The following SYDE2 variants were observed in gnomAD, a reference collection of about 807,000 sequenced individuals.
The protein encoded by SYDE2 is rho GTPase-activating protein SYDE2.
SYDE2 carries 76 observed loss-of-function variants against 91.5 expected under a neutral mutation model. That is an observed-to-expected ratio of 0.83 (90% CI 0.69 to 1.01). The LOEUF is 1.01. SYDE2 is among the 50% of genes least tolerant of loss of function. The pLI, the probability that SYDE2 is intolerant of heterozygous loss-of-function variation, is 0.00. For missense variants in SYDE2, 1,364 were observed against 1,367.7 expected (o/e 1.00, Z 0.04); for synonymous variants, 513 against 506.4 (o/e 1.01, Z -0.18).
intron 4 of SYDE2, among the ~76,000 whole-genome samples, chr1:85,177,336 T>C (rs1477320551): frequency 6.6e-6 from 1 of 152,196 alleles, no homozygotes; most frequent in Admixed American, 6.5e-5. Flanking sequence ...TTCTACTGCA[T>C]CCTCTTCTTA....
At chr1:85,178,307 T>G (rs1187341909) in intron 3 of SYDE2, 35 bp from the exon 4 acceptor site, 3 of 1,529,154 alleles carry the variant, frequency 2.0e-6, no homozygotes. Context: ...TACAGTAAAT[T>G]TGATAAAGGG....
chr1:85,156,235 A>T (rs764736649), downstream of SYDE2, among the ~76,000 whole-genome samples: 5 of 152,154 alleles, frequency 3.3e-5, no homozygotes, highest in Non-Finnish European at 5.9e-5. Flanking sequence ...TCTAAAATTA[A>T]AATTGTTTTT....
chr1:85,173,134 G>A (rs941440457), intron 4 of SYDE2, among the ~76,000 whole-genome samples: 1 of 152,132 alleles, frequency 6.6e-6, no homozygotes, highest in African/African-American at 2.4e-5. Context: ...AGTCTTTACA[G>A]AGGTAATCAA....
At chr1:85,168,555 G>T (rs559003727) in intron 5 of SYDE2, among the ~76,000 whole-genome samples, 1 of 152,218 alleles carries the variant, frequency 6.6e-6, no homozygotes, top group South Asian at 2.1e-4. Flanking sequence ...TTTTGGAGAG[G>T]GGGTGAATGG....
rs770960279 is a variant in SYDE2, at chr1:85,159,087, G to A, written c.3248C>T (p.Pro1083Leu). 2 of 780,824 alleles carry A rather than the reference G, an allele frequency of 2.6e-6. No individual in the cohort carries two copies. The highest frequency in any genetic ancestry group is 4.8e-6 in the Non-Finnish European group (2 of 417,968). The allele number at this position is 780,824 out of a possible 1,614,324, so 48.4% of individuals were successfully genotyped here. A position where few individuals can be genotyped will look rare whatever the true frequency, so the allele number is the denominator to read the frequency against. The change falls in exon 7 of 7, where the codon CCA becomes CTA. Residue 1083 changes from proline to leucine, a missense_variant. Coordinates refer to ENST00000341460, the MANE Select transcript of SYDE2 (RefSeq NM_032184.2). Reference sequence around the variant, plus strand: ...GTCTCCTGCATAACGATTGCTAAGTGGACTGTCTAATCGGTTTTGCCTTGG... The same window carrying A: ...GTCTCCTGCATAACGATTGCTAAGTAGACTGTCTAATCGGTTTTGCCTTGG... Reference protein sequence around the residue: ...LRPRQNRLDSPLSNRYAGDWS... With the variant: ...LRPRQNRLDSLLSNRYAGDWS...
In SYDE2 at chr1:85,200,785, C is replaced by G; in HGVS notation, c.212G>C (p.Gly71Ala). Reference protein sequence around the residue: ...PPRSPQREPRGGQLRTPRMRP... With the variant: ...PPRSPQREPRAGQLRTPRMRP... ...CATCCGAGGAGTCCGCAGCTGGCCT[C>G]CCCGCGGCTCCCTCTGAGGCGACCG... The change falls in exon 1 of 7, where the codon GGA becomes GCA. Residue 71 changes from glycine to alanine, a missense_variant. Transcript: ENST00000341460. The G allele has an allele frequency of 6.6e-7, 1 of 1,513,522 alleles. No homozygotes were observed. Among genetic ancestry groups the G allele is most frequent in the Non-Finnish European group, 8.8e-7 (1 of 1,136,968 alleles). The allele number at this position is 1,513,522 out of a possible 1,614,324, so 93.8% of individuals were successfully genotyped here.
chr1:85,164,210 C>T (rs995305243), intron 6 of SYDE2, among the ~76,000 whole-genome samples: 2 of 152,072 alleles, frequency 1.3e-5, no homozygotes, highest in Non-Finnish European at 2.9e-5. Context: ...ATCCATATGA[C>T]AAAAGATGAT....
chr1:85,194,846 A>G (rs904884115), intron 1 of SYDE2: 10 of 985,288 alleles, frequency 1.0e-5, no homozygotes, highest in African/African-American at 1.7e-5. Flanking sequence ...AAGAAATTAT[A>G]TATTTCAACC....
chr1:85,170,929 A>G (rs1486816266), intron 4 of SYDE2, among the ~76,000 whole-genome samples: 1 of 152,234 alleles, frequency 6.6e-6, no homozygotes, highest in African/African-American at 2.4e-5. Flanking sequence ...GTATGTCTGT[A>G]GGATAAATTC....
intron 3 of SYDE2, 68 bp downstream of exon 3, chr1:85,182,030 T>C (rs817444): frequency 1 from 1,411,071 of 1,415,690 alleles, 703,342 homozygotes; most frequent in East Asian, 1. Context: ...ACCTTGAATT[T>C]CTTCCCCCAA....
intron 4 of SYDE2, among the ~76,000 whole-genome samples, chr1:85,169,613 C>T (rs1278131132): frequency 3.9e-5 from 6 of 152,090 alleles, no homozygotes; most frequent in Non-Finnish European, 8.8e-5. Flanking sequence ...TCCAATTACA[C>T]AAATTTTGAG....
chr1:85,194,918 T>C (rs570703416), intron 1 of SYDE2: 1 of 713,800 alleles, frequency 1.4e-6, no homozygotes, highest in Admixed American at 6.3e-5. Flanking sequence ...CCCAGCACTT[T>C]GGGAGGCCAA....
chr1:85,160,811 T>C (rs930213494), intron 6 of SYDE2: 1 of 985,440 alleles, frequency 1.0e-6, no homozygotes, highest in Non-Finnish European at 1.2e-6. Flanking sequence ...ATTGTCCTAT[T>C]GTGCCTGCAT....
At chr1:85,166,711 A>C (rs183773718) in intron 5 of SYDE2, among the ~76,000 whole-genome samples, 4 of 152,324 alleles carry the variant, frequency 2.6e-5, no homozygotes, top group Admixed American at 2.6e-4. Flanking sequence ...TTTTAAATTC[A>C]TAATTATTTC....
intron 1 of SYDE2, among the ~76,000 whole-genome samples, chr1:85,194,310 T>C (rs544866449): frequency 1.3e-5 from 2 of 150,702 alleles, no homozygotes; most frequent in Non-Finnish European, 3.0e-5. Flanking sequence ...TTCATATATA[T>C]GAAATATGTT....
intron 1 of SYDE2, chr1:85,194,677 A>C (rs1211201834): frequency 4.1e-6 from 1 of 243,910 alleles, no homozygotes; most frequent in East Asian, 1.8e-4. Context: ...AGAAGAAAGA[A>C]ATGGCAATTA....
At chr1:85,193,653 C>T (rs1408929015) in intron 1 of SYDE2, among the ~76,000 whole-genome samples, 1 of 152,026 alleles carries the variant, frequency 6.6e-6, no homozygotes, top group African/African-American at 2.4e-5. Flanking sequence ...GATAGGGTCT[C>T]ACTCTTGTCA....
At chr1:85,175,794 G>GA (rs1333067406) in intron 4 of SYDE2, among the ~76,000 whole-genome samples, 1 of 152,160 alleles carries the variant, frequency 6.6e-6, no homozygotes, top group Non-Finnish European at 1.5e-5. Flanking sequence ...TTTTAGCCAT[G>GA]AAAACCTTGT....
rs1161773244 is a variant in SYDE2, at chr1:85,182,079, A to G, written c.2544+19T>C. 1.9e-6 allele frequency: 3 copies of G among 1,550,432 alleles called. No homozygotes were observed. In the South Asian group the frequency reaches 3.8e-5, roughly 20 times the overall value. ...TCAATCAATAAAGGAAGTAGTAGGG[A>G]ACCATAGTAAGATAATACCTGACAG... On this transcript the variant is annotated intron_variant, in intron 3 of 6. Coordinates refer to ENST00000341460, the MANE Select transcript of SYDE2 (RefSeq NM_032184.2).
Sources: gnomAD v4.1 joint callset for allele counts (sites outside exome capture counted in the v4.1 genomes callset) on GRCh38, gnomAD v4.1.1 for gene constraint, MANE v1.5 for transcripts, NCBI Gene and HGNC (gene_info 2026-07-23, HGNC 2026-07-21) for gene names.